PRRC2B: variants seen among roughly 807,000 people sequenced by gnomAD.
PRRC2B encodes the protein proline rich coiled-coil 2B.
Under a neutral mutation model 242.3 loss-of-function variants are expected in PRRC2B, and 68 were observed. That is an observed-to-expected ratio of 0.28 (90% confidence interval 0.23 to 0.34). The LOEUF is 0.34. Among genes scored for constraint, PRRC2B ranks in the 10% least tolerant of loss-of-function variants. PRRC2B has a pLI of 1.00. For synonymous variants in PRRC2B, 1,228 were observed against 1,173.6 expected, an observed-to-expected ratio of 1.05 and a Z score of -0.95; for missense variants, 2,835 against 2,954.8, an observed-to-expected ratio of 0.96 and a Z score of 0.94.
At chr9:131,383,649 T>A (rs1836790670) in intron 1 of PRRC2B, among the ~76,000 whole-genome samples, 1 of 145,210 alleles carries the variant, frequency 6.9e-6, no homozygotes, top group Non-Finnish European at 1.5e-5. Context: ...TCACCCAGGC[T>A]GGAGTGCAGT....
At chr9:131,458,477 G>T (rs539121730) in intron 10 of PRRC2B, among the ~76,000 whole-genome samples, 1 of 148,298 alleles carries the variant, frequency 6.7e-6, no homozygotes, top group East Asian at 2.0e-4. Flanking sequence ...AAAAAGTTAC[G>T]AAAAAATACC....
At chr9:131,390,558 G>T (rs1457016597), upstream of PRRC2B, among the ~76,000 whole-genome samples, 3 of 119,834 alleles carry the variant, frequency 2.5e-5, no homozygotes, top group East Asian at 5.7e-4. Context: ...TCTCAGCTCA[G>T]TGCAAGCTCT....
At chr9:131,382,773 T>A (rs1014737394) in intron 1 of PRRC2B, among the ~76,000 whole-genome samples, 1 of 151,990 alleles carries the variant, frequency 6.6e-6, no homozygotes, top group Non-Finnish European at 1.5e-5. Context: ...GCCTTCCAAG[T>A]AGCTGGGATT....
chr9:131,475,255 C>T lies in PRRC2B; in HGVS notation c.3126C>T (p.Pro1042=). The T allele has an allele frequency of 1.2e-6, 2 of 1,613,426 alleles. No individual in the cohort carries two copies. Among genetic ancestry groups the T allele is most frequent in the Non-Finnish European group, 8.5e-7 (1 of 1,179,668 alleles). ...CCCCACGAGAGTCCAGCGATGTTCC[C>T]CCCATGAAGAGAAATAACTGGATCT... ...ARPPRESSDV[P]PMKRNNWIFI... Residue 1042 remains proline (P), a synonymous_variant, in exon 16 of 32, where the codon CCC becomes CCT. Coordinates refer to ENST00000683519, the MANE Select transcript of PRRC2B (RefSeq NM_013318.4).
At chr9:131,488,670 G>A (rs1944096503) in intron 28 of PRRC2B, among the ~76,000 whole-genome samples, 3 of 152,154 alleles carry the variant, frequency 2.0e-5, no homozygotes, top group African/African-American at 7.2e-5. Context: ...GTGCAGTAGG[G>A]TGTGGAATGG....
intron 1 of PRRC2B, among the ~76,000 whole-genome samples, chr9:131,409,633 G>T (rs1837455050): frequency 6.6e-6 from 1 of 152,242 alleles, no homozygotes; most frequent in Non-Finnish European, 1.5e-5. Flanking sequence ...TGTGTTGGTG[G>T]CTCTTTTCCT....
At chr9:131,458,732 A>T (rs2131411158) in intron 10 of PRRC2B, among the ~76,000 whole-genome samples, 1 of 152,224 alleles carries the variant, frequency 6.6e-6, no homozygotes, top group South Asian at 2.1e-4. Flanking sequence ...GGAACTCCTG[A>T]CCTCAAATGA....
intron 11 of PRRC2B, among the ~76,000 whole-genome samples, chr9:131,460,563 T>C (rs1943213035): frequency 6.6e-6 from 1 of 152,240 alleles, no homozygotes; most frequent in Non-Finnish European, 1.5e-5. Flanking sequence ...GGTTTCATGC[T>C]GTAGAGTTAC....
At chr9:131,404,917 T>C (rs1280451219) in intron 1 of PRRC2B, among the ~76,000 whole-genome samples, 2 of 152,224 alleles carry the variant, frequency 1.3e-5, no homozygotes, top group Non-Finnish European at 2.9e-5. Context: ...AGCATGTAAG[T>C]GTGAGAATGT....
chr9:131,421,159 C>T (rs78747989), intron 1 of PRRC2B, among the ~76,000 whole-genome samples: 1 of 152,176 alleles, frequency 6.6e-6, no homozygotes, highest in Non-Finnish European at 1.5e-5. Context: ...CTGTCTGGCC[C>T]TTTACAGACA....
At chr9:131,456,123 GA>G (rs907022359) in intron 10 of PRRC2B, among the ~76,000 whole-genome samples, 10 of 143,098 alleles carry the variant, frequency 7.0e-5, no homozygotes, top group Admixed American at 2.1e-4. Flanking sequence ...AAAGGAAAAA[GA>G]AAAAAAAAAT....
chr9:131,377,150 T>G (rs1372968661), intron 1 of PRRC2B, among the ~76,000 whole-genome samples: 1 of 152,204 alleles, frequency 6.6e-6, no homozygotes, highest in Non-Finnish European at 1.5e-5. Flanking sequence ...GAGTCTCGCT[T>G]TGTCACCAGG....
intron 1 of PRRC2B, among the ~76,000 whole-genome samples, chr9:131,420,493 C>CTTTCTTTCTTT: frequency 1.7e-4 from 5 of 30,182 alleles, no homozygotes; most frequent in East Asian, 1.6e-3. Flanking sequence ...TTCTTTCTTT[C>CTTTCTTTCTTT]TTTTTTTTTT....
Position 131,484,750 on chromosome 9 carries a change from T to G in PRRC2B, c.5525T>G (p.Leu1842Arg). 1 of 1,612,846 alleles carries G rather than the reference T, an allele frequency of 6.2e-7. No homozygotes were observed. The highest frequency in any genetic ancestry group is 8.5e-7 in the Non-Finnish European group (1 of 1,179,382). Residue 1842 changes from leucine to arginine, a missense_variant, in exon 24 of 32, where the codon CTC becomes CGC. Coordinates refer to ENST00000683519, the MANE Select transcript of PRRC2B (RefSeq NM_013318.4). ...CATCACATCCAGAGGGCCATCGGTC[T>G]CTCCCCAATGTCCTTCCCCACCGCC... is the stretch of plus-strand genomic sequence containing the variant. ...RDHHIQRAIG[L>R]SPMSFPTADL...
In PRRC2B at chr9:131,498,899, T is replaced by C. The variant is rs1449296714; in HGVS notation, c.*3025T>C. On this transcript the variant is annotated 3_prime_UTR_variant, in exon 32 of 32. Coordinates refer to ENST00000683519, the MANE Select transcript of PRRC2B (RefSeq NM_013318.4). ...TGTGGGTATACATCTCAGATGCCCATCTACCCACTGGGGACTTCAATGCCA... is the reference window on the plus strand; with the variant it reads ...TGTGGGTATACATCTCAGATGCCCACCTACCCACTGGGGACTTCAATGCCA... 1 of 152,190 alleles carries C rather than the reference T, an allele frequency of 6.6e-6. No homozygotes were observed. The highest frequency in any genetic ancestry group is 1.5e-5 in the Non-Finnish European group (1 of 68,026). The allele number at this position is 152,190 out of a possible 1,614,324, so 9.4% of individuals were successfully genotyped here. A position where few individuals can be genotyped will look rare whatever the true frequency, so the allele number is the denominator to read the frequency against.
At chr9:131,404,006 C>A (rs1022836853) in intron 1 of PRRC2B, among the ~76,000 whole-genome samples, 1 of 151,972 alleles carries the variant, frequency 6.6e-6, no homozygotes, top group Non-Finnish European at 1.5e-5. Flanking sequence ...GTCTTGAACT[C>A]CTGGCCTCAA....
intron 1 of PRRC2B, among the ~76,000 whole-genome samples, chr9:131,399,276 CAAAA>C (rs72492020): frequency 2.0e-4 from 9 of 44,210 alleles, no homozygotes; most frequent in Admixed American, 5.6e-4. Context: ...AATTCTGTCT[CAAAA>C]AAAAAAAAAA....
chr9:131,441,113 C>T (rs1244928996), intron 5 of PRRC2B, among the ~76,000 whole-genome samples: 10 of 152,030 alleles, frequency 6.6e-5, no homozygotes, highest in Non-Finnish European at 1.5e-4. Flanking sequence ...AAGGACAAAA[C>T]AGAAAAATGG....
chr9:131,483,838 C>T (rs1026065603), intron 23 of PRRC2B, among the ~76,000 whole-genome samples: 48 of 152,178 alleles, frequency 3.2e-4, no homozygotes, highest in Non-Finnish European at 5.4e-4. Flanking sequence ...AGAAGACCTG[C>T]TGGCGCTCTA....
Sources: allele counts gnomAD v4.1 joint callset (sites outside exome capture counted in the v4.1 genomes callset), GRCh38; gene constraint gnomAD v4.1.1; transcripts MANE v1.5; gene names NCBI Gene and HGNC (gene_info 2026-07-23, HGNC 2026-07-21).